Variants in SMCO2 observed in about 807,000 individuals in gnomAD.
SMCO2 encodes the protein single-pass membrane and coiled-coil domain-containing protein 2.
In SMCO2, 25 loss-of-function variants were observed where a neutral mutation model predicts 29.5. That is an observed-to-expected ratio of 0.85 (90% confidence interval 0.62 to 1.18). The LOEUF (loss-of-function observed/expected upper bound fraction) is 1.18. Ranked by LOEUF, SMCO2 falls within the 50% of genes most tolerant of loss-of-function variation. The pLI is 0.00. For missense variants in SMCO2, 348 were observed against 344.5 expected (o/e 1.01, Z -0.08); for synonymous variants, 117 against 123.3 (o/e 0.95, Z 0.34).
At chr12:27,434,243 G>A in the SMCO2 span, among the ~76,000 whole-genome samples, 5 of 152,086 alleles carry the variant, frequency 3.3e-5, no homozygotes, top group South Asian at 2.1e-4. Context: ...AAATTCCTGC[G>A]CCCCACCTGA....
intron 7 of SMCO2, chr12:27,496,862 C>T (rs1272802751): frequency 6.6e-6 from 1 of 150,784 alleles, no homozygotes; most frequent in East Asian, 1.9e-4. Flanking sequence ...CCTAATACTC[C>T]AAGGGATACA....
chr12:27,492,282 G>A (rs769217159), intron 5 of SMCO2, among the ~76,000 whole-genome samples: 1 of 152,092 alleles, frequency 6.6e-6, no homozygotes, highest in Non-Finnish European at 1.5e-5. Context: ...TGCAGGGCTT[G>A]ATATTTGAAT....
At chr12:27,461,415 C>A in the SMCO2 span, among the ~76,000 whole-genome samples, 768 of 152,270 alleles carry the variant, frequency 5.0e-3, 10 homozygotes, top group African/African-American at 0.017. Flanking sequence ...CAGCCCTCCA[C>A]CTTCAAGTAG....
At chr12:27,429,194 T>C in the SMCO2 span, among the ~76,000 whole-genome samples, 1 of 152,132 alleles carries the variant, frequency 6.6e-6, no homozygotes, top group East Asian at 1.9e-4. Context: ...CTTTTTAAAT[T>C]TTTTTTCTGT....
chr12:27,495,479 G>A lies in SMCO2; in HGVS notation c.508-201G>A, dbSNP rs189905283. On this transcript the variant is annotated intron_variant, in intron 6 of 7. Coordinates refer to ENST00000298876, the Ensembl canonical transcript of SMCO2. ...TGTGGGTTTCATTTAGTTTTCTACC[G>A]TAGTGCTACCTTACACTGTGAATGT... Among the ~76,000 whole-genome samples the A allele has an allele frequency of 3.0e-3, 449 of 150,476 alleles. 21 individuals carry two copies. Among genetic ancestry groups the A allele is most frequent in the African/African-American group, 6.6e-3 (267 of 40,172 alleles).
chr12:27,463,493 C>T (rs539108575), upstream of SMCO2, among the ~76,000 whole-genome samples: 1 of 152,138 alleles, frequency 6.6e-6, no homozygotes, highest in Non-Finnish European at 1.5e-5. Context: ...TCTCAAACTC[C>T]TGACCTCAAG....
At chr12:27,440,849 C>T in the SMCO2 span, among the ~76,000 whole-genome samples, 1 of 151,938 alleles carries the variant, frequency 6.6e-6, no homozygotes, top group African/African-American at 2.4e-5. Flanking sequence ...AATCACTTAA[C>T]CACAAAGCGA....
At chr12:27,463,780 C>T (rs1399349725), upstream of SMCO2, among the ~76,000 whole-genome samples, 5 of 152,224 alleles carry the variant, frequency 3.3e-5, no homozygotes, top group South Asian at 4.1e-4. Context: ...ATACCACAAG[C>T]AGTTAAAATA....
At chr12:27,425,493 A>C in the SMCO2 span, among the ~76,000 whole-genome samples, 1 of 152,002 alleles carries the variant, frequency 6.6e-6, no homozygotes, top group Non-Finnish European at 1.5e-5. Context: ...TCAGACTCCA[A>C]CGTCATCAGC....
the SMCO2 span, among the ~76,000 whole-genome samples, chr12:27,440,107 G>C: frequency 6.6e-6 from 1 of 152,106 alleles, no homozygotes; most frequent in Non-Finnish European, 1.5e-5. Flanking sequence ...TGAGAGATAA[G>C]AAGCAAATAA....
At chr12:27,471,945 A>G (rs1316272660) in intron 2 of SMCO2, among the ~76,000 whole-genome samples, 2 of 152,218 alleles carry the variant, frequency 1.3e-5, no homozygotes, top group Admixed American at 6.5e-5. Flanking sequence ...TCCAATAGAT[A>G]TGCTGTGCAC....
chr12:27,438,520 A>AT, the SMCO2 span, among the ~76,000 whole-genome samples: 5 of 151,788 alleles, frequency 3.3e-5, no homozygotes, highest in Non-Finnish European at 7.4e-5. Context: ...TATTGTCCTT[A>AT]TTTTTCTGAA....
At chr12:27,483,122 TCTA>T (rs1436801593) in intron 4 of SMCO2, among the ~76,000 whole-genome samples, 1 of 152,206 alleles carries the variant, frequency 6.6e-6, no homozygotes, top group Non-Finnish European at 1.5e-5. Flanking sequence ...GAATGTGTAT[TCTA>T]CTATTGTTTG....
intron 2 of SMCO2, 80 bp downstream of exon 2, chr12:27,470,845 T>C: frequency 6.8e-7 from 1 of 1,460,064 alleles, no homozygotes; most frequent in Admixed American, 2.2e-5. Context: ...ATGCAAACGA[T>C]GAGATTTCCA....
chr12:27,444,756 A>G, the SMCO2 span, among the ~76,000 whole-genome samples: 3 of 152,194 alleles, frequency 2.0e-5, no homozygotes, highest in African/African-American at 7.2e-5. Flanking sequence ...AGTTAGTACC[A>G]CCACTATGAA....
chr12:27,494,522 T>TATA (rs1208074753), intron 6 of SMCO2, among the ~76,000 whole-genome samples, 166 bp downstream of exon 7: 1 of 144,192 alleles, frequency 6.9e-6, no homozygotes, highest in African/African-American at 2.6e-5. Context: ...TTATTATTAT[T>TATA]ATACTTTAAG....
intron 1 of SMCO2, among the ~76,000 whole-genome samples, chr12:27,470,220 C>T (rs1949529338): frequency 6.6e-6 from 1 of 152,184 alleles, no homozygotes; most frequent in African/African-American, 2.4e-5. Flanking sequence ...CTCTGGTTAT[C>T]TCTGAAGTAC....
chr12:27,501,663 A>G (rs1367792437), intron 7 of SMCO2, among the ~76,000 whole-genome samples: 1 of 150,324 alleles, frequency 6.7e-6, no homozygotes, highest in Non-Finnish European at 1.5e-5. Flanking sequence ...TGAGAAGGAC[A>G]TTTCAAAGGA....
In SMCO2 at chr12:27,482,843, C is replaced by T. The variant is rs549369196; in HGVS notation, c.363-5617C>T. 3.9e-5 allele frequency among the ~76,000 whole-genome samples: 6 copies of T among 152,330 alleles called. No homozygotes were observed. In the East Asian group the frequency reaches 1.2e-3, roughly 29 times the overall value. On this transcript the variant is annotated intron_variant, in intron 4 of 7. Coordinates refer to ENST00000298876, the Ensembl canonical transcript of SMCO2. Reference sequence around the variant, plus strand: ...CCAGGCTCAAGCAATCCTTCCACCTCTGTTTCCCTAGTAGTTGGGACTGCA... The same window carrying T: ...CCAGGCTCAAGCAATCCTTCCACCTTTGTTTCCCTAGTAGTTGGGACTGCA...
Sources: gnomAD v4.1 joint callset for allele counts (sites outside exome capture counted in the v4.1 genomes callset) on GRCh38, gnomAD v4.1.1 for gene constraint, MANE v1.5 for transcripts, NCBI Gene and HGNC (gene_info 2026-07-23, HGNC 2026-07-21) for gene names.